SIRT2: variants seen among roughly 807,000 people sequenced by gnomAD.
SIRT2 encodes the protein sirtuin 2.
In SIRT2, 40 loss-of-function variants were observed where a neutral mutation model predicts 57.4. That is an observed-to-expected ratio of 0.70 (90% CI 0.54 to 0.91). The LOEUF is 0.91. SIRT2 is among the 40% of genes least tolerant of loss of function. The probability of loss-of-function intolerance (pLI) is 0.00; values close to 1 mark genes in which losing one functional copy is unlikely to be tolerated. For synonymous variants in SIRT2, 161 were observed against 195.7 expected (o/e 0.82, Z 1.48); for missense variants, 439 against 510.4 (o/e 0.86, Z 1.35).
Position 38,881,461 on chromosome 19 carries a change from C to T in SIRT2, c.662G>A (p.Cys221Tyr), listed in dbSNP as rs1973152217. 6.2e-7 allele frequency: 1 copy of T among 1,614,080 alleles called. No homozygotes were observed. The highest frequency in any genetic ancestry group is 8.5e-7 in the Non-Finnish European group (1 of 1,180,006). The stretch of plus-strand genomic sequence containing the variant: ...CTTCACCAGGCTCTGACAGTCTTCA[C>T]ACTTGGGCGTCACCTCAGAGAAGAT... ...EKIFSEVTPK[C>Y]EDCQSLVKPD... Residue 221 changes from cysteine to tyrosine, a missense_variant, in exon 10 of 16, where the codon TGT becomes TAT. Physicochemically the swap from Cys to Tyr is radical, Grantham distance 194. Coordinates refer to ENST00000249396, the MANE Select transcript of SIRT2 (RefSeq NM_012237.4).
At chr19:38,883,083 T>G (rs989929524) in intron 9 of SIRT2, among the ~76,000 whole-genome samples, 2 of 149,756 alleles carry the variant, frequency 1.3e-5, no homozygotes, top group East Asian at 1.9e-4. Context: ...TTGTTTTTTT[T>G]TTTTTTTTTT....
intron 7 of SIRT2, 118 bp from the exon 8 acceptor site, chr19:38,889,273 C>T (rs1973443796): frequency 2.2e-6 from 2 of 905,468 alleles, no homozygotes; most frequent in South Asian, 2.7e-5. Flanking sequence ...ACCGTCACAG[C>T]AGCCGCGTCG....
rs1320069122 is a variant in SIRT2 at position 38,879,239 on chromosome 19, G to T, written c.1086C>A (p.Asn362Lys). 1 of 1,604,398 alleles carries T rather than the reference G, an allele frequency of 6.2e-7. No homozygotes were observed. The change falls in exon 16 of 16, where the codon AAC (asparagine) becomes AAA (lysine). Residue 362 changes from asparagine (N) to lysine (K), a missense_variant. By Grantham distance (94) the Asn-to-Lys change is moderately conservative. Coordinates refer to ENST00000249396, the MANE Select transcript of SIRT2 (RefSeq NM_012237.4). Reference protein sequence around the residue: ...IDAQSGAGVPNPSTSASPKKS... With the variant: ...IDAQSGAGVPKPSTSASPKKS... ...TCTTGGGGGAAGCTGAAGTGCTGGG[G>T]TTGGGGACCCCCGCCCCCGACTGGG... is the stretch of plus-strand genomic sequence containing the variant.
intron 2 of SIRT2, among the ~76,000 whole-genome samples, chr19:38,896,066 G>A (rs531868564): frequency 9.2e-5 from 14 of 151,726 alleles, no homozygotes; most frequent in South Asian, 2.1e-4. Context: ...GCGAGACTCC[G>A]TCTCAAAAAA....
chr19:38,886,806 G>C (rs930111676), intron 8 of SIRT2, among the ~76,000 whole-genome samples: 2 of 151,986 alleles, frequency 1.3e-5, no homozygotes, highest in African/African-American at 4.8e-5. Context: ...ATTTTTAGTA[G>C]AGACAGGGTT....
chr19:38,892,580 TA>T (rs1030464338), intron 4 of SIRT2, among the ~76,000 whole-genome samples: 2 of 152,138 alleles, frequency 1.3e-5, no homozygotes, highest in African/African-American at 2.4e-5. Context: ...TTTATTACTT[TA>T]TTTTTTTTTA....
Position 38,880,609 on chromosome 19 carries a change from G to A in SIRT2, c.876+76C>T, listed in dbSNP as rs1014175431. 2.6e-5 allele frequency: 26 copies of A among 996,710 alleles called. No individual in the cohort carries two copies. The highest frequency in any genetic ancestry group is 3.3e-5 in the Non-Finnish European group (22 of 663,138). The allele number at this position is 996,710 out of a possible 1,614,324, so 61.7% of individuals were successfully genotyped here. ...ATGCAAAGTGCTGGGGTTCCACAGT[G>A]GGGGTTCCCTCTGAGGAAAAGGGTG... is the stretch of plus-strand genomic sequence containing the variant. On this transcript the variant is annotated intron_variant, in intron 13 of 15. Coordinates refer to ENST00000249396, the MANE Select transcript of SIRT2 (RefSeq NM_012237.4). The surrounding 1 kb of genome is among the most constrained non-coding windows in gnomAD (Gnocchi z 4.1).
intron 13 of SIRT2, 70 bp from the exon 14 acceptor site, chr19:38,879,772 A>T: frequency 8.3e-7 from 1 of 1,206,004 alleles, no homozygotes; most frequent in Non-Finnish European, 1.2e-6. Flanking sequence ...CCCTGGAGCC[A>T]GGTGGCCTGG....
At chr19:38,887,505 G>A (rs945040723) in intron 8 of SIRT2, among the ~76,000 whole-genome samples, 4 of 151,670 alleles carry the variant, frequency 2.6e-5, no homozygotes, top group Non-Finnish European at 5.9e-5. Context: ...GGGCTCAAGC[G>A]ATCTCCCACT....
At position 38,883,701 on chromosome 19, in the gene SIRT2, G is replaced by A. The variant is rs1324531579; in HGVS notation, c.557C>T (p.Ala186Val). 5.0e-6 allele frequency: 8 copies of A among 1,614,068 alleles called. No homozygotes were observed. Among genetic ancestry groups the A allele is most frequent in the African/African-American group, 1.3e-5 (1 of 75,042 alleles). Reference sequence around the variant, plus strand: ...GTGTGATGTGTAGAAGGTGCCGTGCGCCTCCACCAAGTCCTCCTGTTCCAG... The same window carrying A: ...GTGTGATGTGTAGAAGGTGCCGTGCACCTCCACCAAGTCCTCCTGTTCCAG... The part of the protein sequence containing the change: ...AGLEQEDLVE[A>V]HGTFYTSHCV... The change falls in exon 9 of 16, where the codon GCG (alanine) becomes GTG (valine). Residue 186 changes from alanine to valine, a missense_variant. Coordinates refer to ENST00000249396, the MANE Select transcript of SIRT2 (RefSeq NM_012237.4).
intron 7 of SIRT2, 57 bp downstream of exon 7, chr19:38,889,632 C>A: frequency 6.3e-7 from 1 of 1,598,334 alleles, no homozygotes; most frequent in Non-Finnish European, 8.6e-7. Context: ...CGGGGCTTCT[C>A]ATGCGTGCCC....
chr19:38,890,216 C>G (rs1167632524), intron 4 of SIRT2, 72 bp from the exon 5 acceptor site: 7 of 1,508,690 alleles, frequency 4.6e-6, no homozygotes, highest in Non-Finnish European at 5.5e-6. Context: ...CCCATCACAG[C>G]CCCTGACATC....
rs749731782 is a variant in SIRT2 at position 38,893,462 on chromosome 19, C to T, written c.178G>A (p.Asp60Asn). 2 of 1,614,078 alleles carry T rather than the reference C, an allele frequency of 1.2e-6. No homozygotes were observed. Among genetic ancestry groups the T allele is most frequent in the Admixed American group, 3.3e-5 (2 of 60,020 alleles). ...SLGSQKERLL[D>N]ELTLEGVARY... ...GCCACCCCTTCCAAGGTCAGCTCGT[C>T]CAGCAGACGCTCCTTCTGGCTGCCC... The change falls in exon 4 of 16, where the codon GAC becomes AAC. Residue 60 changes from aspartate to asparagine, a missense_variant. Physicochemically the swap from Asp to Asn is conservative, Grantham distance 23. Coordinates refer to ENST00000249396, the MANE Select transcript of SIRT2 (RefSeq NM_012237.4).
At chr19:38,886,258 C>T (rs1392786411) in intron 8 of SIRT2, among the ~76,000 whole-genome samples, 11 of 152,300 alleles carry the variant, frequency 7.2e-5, no homozygotes, top group Admixed American at 5.9e-4. Context: ...TGTTCCCACA[C>T]GCCCTGTAAC....
At chr19:38,897,142 T>C (rs192142089) in intron 2 of SIRT2, among the ~76,000 whole-genome samples, 13 of 152,314 alleles carry the variant, frequency 8.5e-5, no homozygotes, top group Non-Finnish European at 1.6e-4. Flanking sequence ...GATAGGCGTT[T>C]CTCTTCACAG....
chr19:38,892,763 C>A lies in SIRT2; in HGVS notation c.226+651G>T, dbSNP rs28480241. Among the ~76,000 whole-genome samples the A allele has an allele frequency of 4.2e-4, 62 of 146,842 alleles. 1 individual carries two copies. Among genetic ancestry groups the A allele is most frequent in the South Asian group, 3.3e-3 (16 of 4,778 alleles). ...ATTTTTTTTTTTCTTGTAGAGATGG[C>A]GGGGGGGTCTCACTATGTTGCCCAG... On this transcript the variant is annotated intron_variant, in intron 4 of 15. Transcript: ENST00000249396.
Position 38,880,448 on chromosome 19 carries a change from G to T in SIRT2, c.876+237C>A. On this transcript the variant is annotated intron_variant, in intron 13 of 15. Coordinates refer to ENST00000249396, the MANE Select transcript of SIRT2 (RefSeq NM_012237.4). This position sits in a 1 kb window ranked among gnomAD's most constrained non-coding sequence, Gnocchi z 4.1. ...ACCCCCTCCCACCTCCTCAGTCCCT[G>T]GAAGCCCGGCCTTCCTATCTGGCTT... is the stretch of plus-strand genomic sequence containing the variant. 1 of 459,916 alleles carries T rather than the reference G, an allele frequency of 2.2e-6. No homozygotes were observed. The highest frequency in any genetic ancestry group is 3.8e-6 in the Non-Finnish European group (1 of 261,500). The allele number at this position is 459,916 out of a possible 1,614,324, so 28.5% of individuals were successfully genotyped here.
chr19:38,886,609 A>G (rs1356631687), intron 8 of SIRT2, among the ~76,000 whole-genome samples: 1 of 149,208 alleles, frequency 6.7e-6, no homozygotes, highest in Non-Finnish European at 1.5e-5. Flanking sequence ...GTGCACTACC[A>G]TGCCTGGCTA....
In SIRT2 at chr19:38,899,569, G is replaced by A; in HGVS notation, c.-48C>T. 6.2e-7 allele frequency: 1 copy of A among 1,613,026 alleles called. No individual in the cohort carries two copies. The highest frequency in any genetic ancestry group is 8.5e-7 in the Non-Finnish European group (1 of 1,179,334). On this transcript the variant is annotated 5_prime_UTR_variant, in exon 1 of 16. It adds an upstream start codon to the 5' untranslated region. Coordinates refer to ENST00000249396, the MANE Select transcript of SIRT2 (RefSeq NM_012237.4). Reference sequence around the variant, plus strand: ...AGGCTGTCACCGACCGCTCTGTCCCGTCACCAACCACTGTGTCCCGTCACC... The same window carrying A: ...AGGCTGTCACCGACCGCTCTGTCCCATCACCAACCACTGTGTCCCGTCACC...
Sources: allele counts gnomAD v4.1 joint callset (sites outside exome capture counted in the v4.1 genomes callset), GRCh38; gene constraint gnomAD v4.1.1; non-coding constraint Gnocchi (gnomAD v3.1); transcripts MANE v1.5; gene names NCBI Gene and HGNC (gene_info 2026-07-23, HGNC 2026-07-21).